Variants in ARL15 observed in about 807,000 individuals in gnomAD.
ARL15 encodes ADP-ribosylation factor-like protein 15.
Under a neutral mutation model 25.2 loss-of-function variants are expected in ARL15, and 19 were observed. The observed-to-expected ratio is 0.75, with a 90% CI of 0.53 to 1.10. The LOEUF is 1.10. ARL15 is among the 50% of genes least tolerant of loss of function. ARL15 has a pLI of 0.00. For synonymous variants in ARL15, 94 were observed against 86.8 expected, an observed-to-expected ratio of 1.08 and a Z score of -0.46; for missense variants, 220 against 246.0, an observed-to-expected ratio of 0.89 and a Z score of 0.71.
chr5:54,011,666 A>G (rs1483549303), intron 4 of ARL15, among the ~76,000 whole-genome samples: 3 of 152,168 alleles, frequency 2.0e-5, no homozygotes, highest in Non-Finnish European at 2.9e-5. Context: ...GCTTGAATGC[A>G]GGCAGTCTAA....
Position 53,992,452 on chromosome 5 carries a change from T to C in ARL15, c.463-105739A>G, listed in dbSNP as rs570898657. On this transcript the variant is annotated intron_variant, in intron 4 of 4. Transcript: ENST00000504924. ...ATCTTATACCTAGTTAAAAGCACTG[T>C]CATTCCAGGTTAGGTTACAATTTTA... Among the ~76,000 whole-genome samples the C allele has an allele frequency of 3.9e-5, 6 of 152,280 alleles. No homozygotes were observed. In the East Asian group the frequency reaches 1.2e-3, roughly 29 times the overall value.
chr5:54,201,942 C>T (rs902906190), intron 1 of ARL15, among the ~76,000 whole-genome samples: 9 of 152,092 alleles, frequency 5.9e-5, no homozygotes, highest in Non-Finnish European at 7.3e-5. Flanking sequence ...AGCTATGTAA[C>T]TGGCAGGAAA....
At chr5:54,231,495 C>A (rs890345518) in intron 1 of ARL15, among the ~76,000 whole-genome samples, 1 of 152,154 alleles carries the variant, frequency 6.6e-6, no homozygotes, top group Non-Finnish European at 1.5e-5. Flanking sequence ...TGATGTCTCA[C>A]CAAAACCCTC....
chr5:54,154,642 A>G lies in ARL15; in HGVS notation c.194-3T>C. The G allele has an allele frequency of 5.3e-6, 8 of 1,504,352 alleles. No individual in the cohort carries two copies. The highest frequency in any genetic ancestry group is 7.1e-6 in the Non-Finnish European group (8 of 1,125,458). 93.2% of individuals were successfully genotyped at this position (1,504,352 alleles called of 1,614,324 possible). ...TGGCACTGCTTTAATACTAAAACCTAAAATTAGAAAACAAAAACATAAAAA... is the reference window on the plus strand; with the variant it reads ...TGGCACTGCTTTAATACTAAAACCTGAAATTAGAAAACAAAAACATAAAAA... On this transcript the variant is annotated splice_region_variant and splice_polypyrimidine_tract_variant and intron_variant, in intron 2 of 4. Coordinates refer to ENST00000504924, the MANE Select transcript of ARL15 (RefSeq NM_019087.3).
Position 54,033,324 on chromosome 5 carries a change from T to C in ARL15, c.462+79878A>G, listed in dbSNP as rs1035716164. ...CAAGACTCCGTCTCAAAAAAAAGAC[T>C]GTACAGACTGTACCAGATAGTGCTT... On this transcript the variant is annotated intron_variant, in intron 4 of 4. Transcript: ENST00000504924. 6.6e-5 allele frequency among the ~76,000 whole-genome samples: 10 copies of C among 151,674 alleles called. No individual in the cohort carries two copies. The East Asian group carries it at 2.0e-3, about 30-fold the overall frequency.
intron 4 of ARL15, among the ~76,000 whole-genome samples, chr5:54,009,624 A>T (rs1289246577): frequency 6.6e-6 from 1 of 152,244 alleles, no homozygotes; most frequent in African/African-American, 2.4e-5. Flanking sequence ...CTTCAGCCCA[A>T]GAGATGGAAT....
chr5:54,245,918 T>G (rs1410916786), intron 1 of ARL15, among the ~76,000 whole-genome samples: 3 of 152,188 alleles, frequency 2.0e-5, no homozygotes, highest in Non-Finnish European at 4.4e-5. Flanking sequence ...TCCATCATAA[T>G]TCTATGGTAA....
At chr5:54,195,620 A>C (rs1339511251) in intron 1 of ARL15, among the ~76,000 whole-genome samples, 1 of 152,188 alleles carries the variant, frequency 6.6e-6, no homozygotes, top group Non-Finnish European at 1.5e-5. Flanking sequence ...TTGATCAATC[A>C]GAAATGTGTA....
intron 4 of ARL15, among the ~76,000 whole-genome samples, chr5:54,006,037 T>A (rs1454777495): frequency 3.5e-5 from 4 of 113,240 alleles, no homozygotes; most frequent in Admixed American, 1.2e-4. Flanking sequence ...GCAACAAGAG[T>A]GAAATTACAT....
chr5:54,057,918 T>A (rs1313324070), intron 4 of ARL15, among the ~76,000 whole-genome samples: 1 of 152,020 alleles, frequency 6.6e-6, no homozygotes, highest in Non-Finnish European at 1.5e-5. Flanking sequence ...TGATAATATA[T>A]GAAGATCTCA....
rs552615902 is a variant in ARL15, at chr5:54,046,389, G to A, written c.462+66813C>T. 9.2e-5 allele frequency among the ~76,000 whole-genome samples: 14 copies of A among 152,284 alleles called. 1 individual carries two copies. In the East Asian group the frequency reaches 2.7e-3, roughly 29 times the overall value. On this transcript the variant is annotated intron_variant, in intron 4 of 4. Coordinates refer to ENST00000504924, the MANE Select transcript of ARL15 (RefSeq NM_019087.3). Reference sequence around the variant, plus strand: ...CCAGCTACTTGGGAGGCTGAGGTGGGAGAATCACTTGAACCCAGGAGGCAG... The same window carrying A: ...CCAGCTACTTGGGAGGCTGAGGTGGAAGAATCACTTGAACCCAGGAGGCAG...
At chr5:53,988,461 G>C (rs1748372004) in intron 4 of ARL15, among the ~76,000 whole-genome samples, 1 of 152,032 alleles carries the variant, frequency 6.6e-6, no homozygotes, top group African/African-American at 2.4e-5. Flanking sequence ...AGTTCTTGAC[G>C]CATAACAGCT....
rs75650860 is a variant in ARL15 at position 54,015,994 on chromosome 5, G to C, written c.462+97208C>G. Reference sequence around the variant, plus strand: ...TCCATTCCTCACCCTCCTGTAACTTGTGTCACCACCACCCAGAAGGCCCAA... The same window carrying C: ...TCCATTCCTCACCCTCCTGTAACTTCTGTCACCACCACCCAGAAGGCCCAA... On this transcript the variant is annotated intron_variant, in intron 4 of 4. Coordinates refer to ENST00000504924, the MANE Select transcript of ARL15 (RefSeq NM_019087.3). 8.5e-4 allele frequency among the ~76,000 whole-genome samples: 129 copies of C among 152,194 alleles called. 5 individuals are homozygous for C. The East Asian group carries it at 0.021, about 25-fold the overall frequency.
chr5:54,098,639 T>C (rs2112169665), intron 4 of ARL15, among the ~76,000 whole-genome samples: 1 of 152,334 alleles, frequency 6.6e-6, no homozygotes, highest in Non-Finnish European at 1.5e-5. Context: ...TCGTTTTTGT[T>C]AAAAACACAC....
intron 4 of ARL15, among the ~76,000 whole-genome samples, chr5:53,971,868 T>C (rs1747764718): frequency 6.6e-6 from 1 of 152,204 alleles, no homozygotes; most frequent in Admixed American, 6.5e-5. Context: ...TTTTTAATTG[T>C]TTGCTTCTCA....
chr5:54,118,483 T>G (rs1752975427), intron 3 of ARL15, among the ~76,000 whole-genome samples: 1 of 152,206 alleles, frequency 6.6e-6, no homozygotes, highest in Non-Finnish European at 1.5e-5. Flanking sequence ...TTTATAAAAA[T>G]TTTTAACATG....
intron 1 of ARL15, among the ~76,000 whole-genome samples, chr5:54,203,330 G>T (rs538009290): frequency 6.6e-6 from 1 of 152,150 alleles, no homozygotes; most frequent in East Asian, 1.9e-4. Context: ...ACTTCTCTTG[G>T]TCACTTACCA....
At chr5:53,925,725 T>A (rs1745997188) in intron 4 of ARL15, among the ~76,000 whole-genome samples, 1 of 152,118 alleles carries the variant, frequency 6.6e-6, no homozygotes, top group Non-Finnish European at 1.5e-5. Flanking sequence ...TGAAGATTGC[T>A]GAAGCCTAGG....
intron 4 of ARL15, among the ~76,000 whole-genome samples, chr5:54,058,011 TA>T (rs147761537): frequency 0.43 from 60,932 of 142,280 alleles, 13,737 homozygotes; most frequent in Admixed American, 0.53. Flanking sequence ...TTTATTTATT[TA>T]TTTATTTTTT....
Sources: gnomAD v4.1 joint callset for allele counts (sites outside exome capture counted in the v4.1 genomes callset) on GRCh38, gnomAD v4.1.1 for gene constraint, MANE v1.5 for transcripts, NCBI Gene and HGNC (gene_info 2026-07-23, HGNC 2026-07-21) for gene names.